The following CEP43 variants were observed in gnomAD, a reference collection of about 807,000 sequenced individuals.
CEP43 encodes the protein FGFR1 oncogene partner.
A neutral mutation model predicts 52.6 loss-of-function variants in CEP43; 36 were observed. The ratio of observed to expected loss-of-function variants is 0.68; its 90% CI spans 0.52 to 0.90. CEP43 has a LOEUF of 0.90. Ranked by LOEUF, CEP43 falls within the 40% of genes least tolerant of loss-of-function variation. The pLI is 0.00. For synonymous variants in CEP43, 192 were observed against 172.4 expected, an observed-to-expected ratio of 1.11 and a Z score of -0.89; for missense variants, 506 against 472.8, an observed-to-expected ratio of 1.07 and a Z score of -0.65.
chr6:167,003,549 A>G (rs1435607984), intron 3 of CEP43, 174 bp from the exon 4 acceptor site: 1 of 559,964 alleles, frequency 1.8e-6, no homozygotes, highest in African/African-American at 1.9e-5. Flanking sequence ...CCAGTGAAAA[A>G]ATCAGGAGAT....
rs983201609 is a variant in CEP43, at chr6:167,051,417, A to G, written c.*11439A>G. ...GTTTGTCCCAAAGTTAGCTTGGCCC[A>G]TGCCCAGGAATGACCAAGGGCAATT... On this transcript the variant is annotated 3_prime_UTR_variant, in exon 13 of 13. Coordinates refer to ENST00000366847, the MANE Select transcript of CEP43 (RefSeq NM_007045.4). 4 of 152,350 alleles carry G rather than the reference A, an allele frequency of 2.6e-5. No homozygotes were observed. The highest frequency in any genetic ancestry group is 9.6e-5 in the African/African-American group (4 of 41,466). The allele number at this position is 152,350 out of a possible 1,614,324, so 9.4% of individuals were successfully genotyped here.
chr6:167,019,225 TCTGTGCACATGCATACACCTG>T (rs1324583695), intron 7 of CEP43, among the ~76,000 whole-genome samples: 6 of 152,208 alleles, frequency 3.9e-5, no homozygotes, highest in African/African-American at 1.4e-4. Context: ...GGGTTGAGCA[TCTGTGCACATGCATACACCTG>T]CTGTGCACAC....
In CEP43 at chr6:167,033,911, T is replaced by A. The variant is rs1583291258; in HGVS notation, c.1065T>A (p.Ile355=). The A allele has an allele frequency of 6.2e-7, 1 of 1,600,646 alleles. No homozygotes were observed. The highest frequency in any genetic ancestry group is 1.7e-5 in the Admixed American group (1 of 58,936). Residue 355 remains isoleucine, a synonymous_variant, in exon 12 of 13, where the codon ATT becomes ATA. Coordinates refer to ENST00000366847, the MANE Select transcript of CEP43 (RefSeq NM_007045.4). ...SHRSEKSEIS[I]GEEIEEDLSV... ...GCTCAGAGAAAAGTGAGATAAGTAT[T>A]GGTGAAGAGATAGAAGAAGACCTTT...
rs1477821535 is a variant in CEP43 at position 167,003,767 on chromosome 6, A to C, written c.256A>C (p.Asn86His). The C allele has an allele frequency of 6.2e-7, 1 of 1,611,954 alleles. No individual in the cohort carries two copies. Among genetic ancestry groups the C allele is most frequent in the South Asian group, 1.1e-5 (1 of 90,944 alleles). ...SLVAEFLQFF[N>H]LDFTLAVFQP... ...TGTTGCAGAATTTCTTCAGTTTTTTAACCTTGACTTTACTTTGGCTGTTTT... is the reference window on the plus strand; with the variant it reads ...TGTTGCAGAATTTCTTCAGTTTTTTCACCTTGACTTTACTTTGGCTGTTTT... Residue 86 changes from asparagine (N) to histidine (H), a missense_variant, in exon 4 of 13, where the codon AAC becomes CAC. Asn to His is a moderately conservative substitution (Grantham distance 68). Coordinates refer to ENST00000366847, the MANE Select transcript of CEP43 (RefSeq NM_007045.4).
intron 12 of CEP43, among the ~76,000 whole-genome samples, chr6:167,038,060 C>G (rs991188655): frequency 6.6e-6 from 1 of 152,116 alleles, no homozygotes; most frequent in Non-Finnish European, 1.5e-5. Flanking sequence ...TATATTCACC[C>G]GTGGTTTTTT....
intron 12 of CEP43, among the ~76,000 whole-genome samples, chr6:167,037,276 T>G (rs1780602896): frequency 6.6e-6 from 1 of 152,256 alleles, no homozygotes; most frequent in Admixed American, 6.5e-5. Context: ...ATAACTGAAT[T>G]ATCTAGATTA....
intron 8 of CEP43, 149 bp downstream of exon 8, chr6:167,022,784 G>A (rs1478130407): frequency 2.2e-5 from 14 of 636,584 alleles, no homozygotes; most frequent in Admixed American, 3.0e-5. Flanking sequence ...CTTTCATGTT[G>A]TAAAACAATC....
chr6:167,033,985 C>G lies in CEP43; in HGVS notation c.1125+14C>G. The G allele has an allele frequency of 7.8e-7, 1 of 1,279,384 alleles. No homozygotes were observed. Among genetic ancestry groups the G allele is most frequent in the Non-Finnish European group, 1.1e-6 (1 of 912,536 alleles). The allele number at this position is 1,279,384 out of a possible 1,614,324, so 79.3% of individuals were successfully genotyped here. ...ACCAGTGATAAGGTATGGTGTTCTG[C>G]ATTTCCCATAGAGTGCTTTTTTTTT... On this transcript the variant is annotated intron_variant, in intron 12 of 12. Transcript: ENST00000366847.
intron 6 of CEP43, among the ~76,000 whole-genome samples, chr6:167,012,894 C>A (rs1780016540): frequency 6.6e-6 from 1 of 152,192 alleles, no homozygotes; most frequent in Non-Finnish European, 1.5e-5. Context: ...GCCTCATAAA[C>A]CCACTTCAGA....
At chr6:167,018,418 TCTCG>T (rs1780149763) in intron 7 of CEP43, among the ~76,000 whole-genome samples, 1 of 152,120 alleles carries the variant, frequency 6.6e-6, no homozygotes, top group African/African-American at 2.4e-5. Flanking sequence ...TGAGACGGAT[TCTCG>T]CTCTGTCACC....
At chr6:167,033,300 A>G (rs141186254) in intron 11 of CEP43, among the ~76,000 whole-genome samples, 3,076 of 151,734 alleles carry the variant, frequency 0.02, 53 homozygotes, top group East Asian at 0.092. Flanking sequence ...TGGTAGAGAC[A>G]GGGTTTTGTC....
chr6:167,041,689 G>C lies in CEP43; in HGVS notation c.*1711G>C, dbSNP rs962197642. 9.6e-7 allele frequency: 1 copy of C among 1,041,694 alleles called. No individual in the cohort carries two copies. The highest frequency in any genetic ancestry group is 1.2e-6 in the Non-Finnish European group (1 of 864,382). 64.5% of individuals were successfully genotyped at this position (1,041,694 alleles called of 1,614,324 possible). On this transcript the variant is annotated 3_prime_UTR_variant, in exon 13 of 13. Transcript: ENST00000366847. ...GCAGGATGTGGCTTTTTAAATTTAT[G>C]AAACTTTCGAACAGTAGCAACTGAA...
chr6:167,026,515 A>T, intron 9 of CEP43, 32 bp from the exon 10 acceptor site: 1 of 1,333,182 alleles, frequency 7.5e-7, no homozygotes, highest in Non-Finnish European at 1.1e-6. Flanking sequence ...ATTCTAAGTC[A>T]CTCTAATGTT....
At chr6:167,016,778 T>C (rs1276083205) in intron 7 of CEP43, among the ~76,000 whole-genome samples, 1 of 152,088 alleles carries the variant, frequency 6.6e-6, no homozygotes, top group African/African-American at 2.4e-5. Context: ...ATTACTTCTC[T>C]AAATAATTCA....
chr6:167,042,262 T>G lies in CEP43; in HGVS notation c.*2284T>G. On this transcript the variant is annotated 3_prime_UTR_variant, in exon 13 of 13. Coordinates refer to ENST00000366847, the MANE Select transcript of CEP43 (RefSeq NM_007045.4). ...AGTGACAGGTTTTGCATGTGATGAG[T>G]GTTTTCTGTTAAAAAATAAATATTG... 1 of 1,005,898 alleles carries G rather than the reference T, an allele frequency of 9.9e-7. No individual in the cohort carries two copies. Among genetic ancestry groups the G allele is most frequent in the Non-Finnish European group, 1.2e-6 (1 of 841,032 alleles). 62.3% of individuals were successfully genotyped at this position (1,005,898 alleles called of 1,614,324 possible).
Position 167,026,530 on chromosome 6 carries a change from TTTTCTCCTGTTCACAGGTAA to T in CEP43, c.920-16_923del. 6.6e-7 allele frequency: 1 copy of T among 1,509,412 alleles called. No individual in the cohort carries two copies. The highest frequency in any genetic ancestry group is 9.2e-7 in the Non-Finnish European group (1 of 1,084,970). 93.5% of individuals were successfully genotyped at this position (1,509,412 alleles called of 1,614,324 possible). On this transcript the variant is annotated splice_acceptor_variant and splice_polypyrimidine_tract_variant and coding_sequence_variant and intron_variant, in exon 10 of 13. Coordinates refer to ENST00000366847, the MANE Select transcript of CEP43 (RefSeq NM_007045.4). LOFTEE classifies it high-confidence loss of function. ...ATTCTAAGTCACTCTAATGTTAATA[TTTTCTCCTGTTCACAGGTAA>T]AAGGGGAAATACAGTTTTGAAAGAT...
intron 5 of CEP43, 79 bp from the exon 6 acceptor site, chr6:167,010,734 T>A: frequency 1.6e-6 from 1 of 622,152 alleles, no homozygotes; most frequent in Non-Finnish European, 2.6e-6. Context: ...TTTTAAATGC[T>A]AAAATTCTAT....
chr6:167,012,206 T>C (rs1217706118), intron 6 of CEP43, among the ~76,000 whole-genome samples: 1 of 152,230 alleles, frequency 6.6e-6, no homozygotes, highest in Non-Finnish European at 1.5e-5. Flanking sequence ...ATTGCTGTTA[T>C]TTTTTGCTTG....
rs1007718379 is a variant in CEP43 at position 167,042,285 on chromosome 6, T to C, written c.*2307T>C. The C allele has an allele frequency of 1.0e-6, 1 of 1,003,830 alleles. No homozygotes were observed. The highest frequency in any genetic ancestry group is 1.2e-6 in the Non-Finnish European group (1 of 839,164). 62.2% of individuals were successfully genotyped at this position (1,003,830 alleles called of 1,614,324 possible). A position where few individuals can be genotyped will look rare whatever the true frequency, so the allele number is the denominator to read the frequency against. ...AGTGTTTTCTGTTAAAAAATAAATA[T>C]TGAAATATTAACCCATTAAATACAT... On this transcript the variant is annotated 3_prime_UTR_variant, in exon 13 of 13. Transcript: ENST00000366847.
Sources: gnomAD v4.1 joint callset for allele counts (sites outside exome capture counted in the v4.1 genomes callset) on GRCh38, gnomAD v4.1.1 for gene constraint, MANE v1.5 for transcripts, NCBI Gene and HGNC (gene_info 2026-07-23, HGNC 2026-07-21) for gene names.